RYR3: variants seen among roughly 807,000 people sequenced by gnomAD.
The protein encoded by RYR3 is ryanodine receptor 3.
Under a neutral mutation model 584.3 loss-of-function variants are expected in RYR3, and 207 were observed. That is an observed-to-expected ratio of 0.35 (90% confidence interval 0.32 to 0.40). RYR3 has a LOEUF of 0.40. Among genes scored for constraint, RYR3 ranks in the 10% least tolerant of loss-of-function variants. The probability of loss-of-function intolerance (pLI) is 1.00; values close to 1 mark genes in which losing one functional copy is unlikely to be tolerated. For synonymous variants in RYR3, 2,416 were observed against 2,248.5 expected, an observed-to-expected ratio of 1.07 and a Z score of -2.11; for missense variants, 5,616 against 6,089.2, an observed-to-expected ratio of 0.92 and a Z score of 2.59.
chr15:33,434,620 G>A (rs2045492914), intron 1 of RYR3, among the ~76,000 whole-genome samples: 1 of 152,164 alleles, frequency 6.6e-6, no homozygotes, highest in African/African-American at 2.4e-5. Context: ...AAACAATAAA[G>A]ATAAACTGAA....
rs1696259054 is a variant in RYR3, at chr15:33,311,896, C to T, written c.51+800C>T. Among the ~76,000 whole-genome samples the T allele has an allele frequency of 6.6e-6, 1 of 152,180 alleles. No individual in the cohort carries two copies. The highest frequency in any genetic ancestry group is 2.1e-4 in the South Asian group (1 of 4,828). On this transcript the variant is annotated intron_variant, in intron 1 of 103. Coordinates refer to ENST00000634891, the MANE Select transcript of RYR3 (RefSeq NM_001036.6). This position sits in a 1 kb window ranked among gnomAD's most constrained non-coding sequence, Gnocchi z 4.4. ...GTCTGTTGCAGCCACACCAGCCTTG[C>T]CCTGTAGGAGATAATACAAAGACTT...
At chr15:33,337,631 G>A (rs1971278342) in intron 1 of RYR3, among the ~76,000 whole-genome samples, 2 of 152,082 alleles carry the variant, frequency 1.3e-5, no homozygotes, top group South Asian at 4.1e-4. Context: ...ACATCAGTTG[G>A]AATTTATGAA....
intron 102 of RYR3, among the ~76,000 whole-genome samples, chr15:33,863,545 T>G (rs548401981): frequency 7.9e-4 from 121 of 152,212 alleles, no homozygotes; most frequent in African/African-American, 2.8e-3. Context: ...GAGCTGAGAG[T>G]TCAGCCCCTG....
At position 33,845,089 on chromosome 15, in the gene RYR3, A is replaced by G. The variant is rs377087268; in HGVS notation, c.13497+27A>G. Reference sequence around the variant, plus strand: ...TGAGCTGTTTGCCACTCTGGATCTAATCTCACTCCTTGAGGAAGAAATGTC... The same window carrying G: ...TGAGCTGTTTGCCACTCTGGATCTAGTCTCACTCCTTGAGGAAGAAATGTC... On this transcript the variant is annotated intron_variant, in intron 93 of 103. Coordinates refer to ENST00000634891, the MANE Select transcript of RYR3 (RefSeq NM_001036.6). The G allele has an allele frequency of 3.1e-4, 495 of 1,610,374 alleles. 1 individual carries two copies. The highest frequency in any genetic ancestry group is 2.5e-3 in the Middle Eastern group (15 of 5,944).
rs545813101 is a variant in RYR3, at chr15:33,318,944, C to T, written c.51+7848C>T. ...CTAATCCCAAGCAAATGCTCCAGAG[C>T]CCCTGAAACCATTTCAAAGCAATTC... On this transcript the variant is annotated intron_variant, in intron 1 of 103. Coordinates refer to ENST00000634891, the MANE Select transcript of RYR3 (RefSeq NM_001036.6). 2.5e-4 allele frequency among the ~76,000 whole-genome samples: 38 copies of T among 152,230 alleles called. No homozygotes were observed. In the South Asian group the frequency reaches 6.2e-3, roughly 25 times the overall value.
At chr15:33,327,025 T>C (rs1193641758) in intron 1 of RYR3, among the ~76,000 whole-genome samples, 5 of 150,722 alleles carry the variant, frequency 3.3e-5, no homozygotes, top group African/African-American at 1.2e-4. Flanking sequence ...AAAACTCCAC[T>C]GACAGAGAAC....
intron 67 of RYR3, among the ~76,000 whole-genome samples, chr15:33,792,363 G>A (rs939537194): frequency 3.9e-5 from 6 of 152,038 alleles, no homozygotes; most frequent in South Asian, 2.1e-4. Flanking sequence ...CCCCCAACCC[G>A]AGTCCTTCAG....
chr15:33,643,317 A>G (rs1337793719), intron 27 of RYR3, among the ~76,000 whole-genome samples: 1 of 152,084 alleles, frequency 6.6e-6, no homozygotes, highest in African/African-American at 2.4e-5. Flanking sequence ...ATCCTCCCAA[A>G]TCCAACATAA....
At chr15:33,772,271 CA>C in intron 63 of RYR3, 113 bp downstream of exon 63, 1 of 612,376 alleles carries the variant, frequency 1.6e-6, no homozygotes, top group Admixed American at 2.9e-5. Context: ...AGAATTATTC[CA>C]TGCCTTTTCT....
In RYR3 at chr15:33,425,894, G is replaced by A. The variant is rs949918765; in HGVS notation, c.52-47525G>A. Among the ~76,000 whole-genome samples the A allele has an allele frequency of 5.3e-5, 8 of 152,150 alleles. No individual in the cohort carries two copies. In the East Asian group the frequency reaches 5.8e-4, roughly 11 times the overall value. On this transcript the variant is annotated intron_variant, in intron 1 of 103. Transcript: ENST00000634891. ...CCTGACCTCGTGATCCGCCCGCCTT[G>A]GCCTCCCAAAGTGCTCGGATTACAG...
chr15:33,860,496 C>CTT (rs57641933), intron 100 of RYR3, 99 bp from the exon 101 acceptor site: 891 of 553,224 alleles, frequency 1.6e-3, no homozygotes, highest in East Asian at 6.9e-3. Context: ...TGATAATTCA[C>CTT]TTTTTTTTTT....
At chr15:33,446,310 A>G (rs533724625) in intron 1 of RYR3, among the ~76,000 whole-genome samples, 5 of 152,238 alleles carry the variant, frequency 3.3e-5, no homozygotes, top group Admixed American at 2.6e-4. Flanking sequence ...GAAGCTTTAG[A>G]ATAAATACTA....
intron 70 of RYR3, 104 bp downstream of exon 70, chr15:33,807,673 T>A: frequency 8.2e-7 from 1 of 1,217,016 alleles, no homozygotes; most frequent in South Asian, 1.3e-5. Context: ...AGAGAATGGA[T>A]TTTCCCGCCT....
chr15:33,817,202 T>C (rs1228304127), intron 75 of RYR3, among the ~76,000 whole-genome samples: 2 of 152,168 alleles, frequency 1.3e-5, no homozygotes, highest in African/African-American at 2.4e-5. Context: ...AACTAATATT[T>C]CTTAAAATGC....
At chr15:33,489,831 A>G (rs548853199) in intron 2 of RYR3, among the ~76,000 whole-genome samples, 1 of 152,326 alleles carries the variant, frequency 6.6e-6, no homozygotes, top group African/African-American at 2.4e-5. Context: ...GTGTGTAAGT[A>G]TTCCTCTTTC....
At chr15:33,368,743 C>A (rs922089416) in intron 1 of RYR3, among the ~76,000 whole-genome samples, 1 of 152,132 alleles carries the variant, frequency 6.6e-6, no homozygotes, top group Non-Finnish European at 1.5e-5. Flanking sequence ...GTCTTGGCAG[C>A]GTTCCACCCA....
chr15:33,604,611 A>G (rs914376261), intron 18 of RYR3, among the ~76,000 whole-genome samples: 8 of 152,212 alleles, frequency 5.3e-5, no homozygotes, highest in Non-Finnish European at 1.0e-4. Context: ...TGTGGTCCTG[A>G]CATAAGTGGA....
At chr15:33,585,354 C>T (rs756930698) in intron 15 of RYR3, among the ~76,000 whole-genome samples, 5 of 152,180 alleles carry the variant, frequency 3.3e-5, no homozygotes, top group Admixed American at 6.5e-5. Flanking sequence ...TAGCCAGCTA[C>T]TTCCCTTGAA....
At chr15:33,799,207 T>G (rs1219248042) in intron 67 of RYR3, among the ~76,000 whole-genome samples, 2 of 152,196 alleles carry the variant, frequency 1.3e-5, no homozygotes, top group Admixed American at 1.3e-4. Flanking sequence ...ACATCTTCTG[T>G]TATTCATAAT....
Sources: gnomAD v4.1 joint callset for allele counts (sites outside exome capture counted in the v4.1 genomes callset) on GRCh38, gnomAD v4.1.1 for gene constraint, Gnocchi (gnomAD v3.1) non-coding constraint, MANE v1.5 for transcripts, NCBI Gene and HGNC (gene_info 2026-07-23, HGNC 2026-07-21) for gene names.